The following EVC2 variants were observed in gnomAD, a reference collection of about 807,000 sequenced individuals.
EVC2 encodes EvC ciliary complex subunit 2, also known as limbin.
EVC2 carries 148 observed loss-of-function variants against 149.3 expected under a neutral mutation model. That is an observed-to-expected ratio of 0.99 (90% CI 0.87 to 1.14). The LOEUF (loss-of-function observed/expected upper bound fraction) is 1.14, where lower values mean the gene tolerates loss of function less well. Among genes scored for constraint, EVC2 ranks in the 50% most tolerant of loss-of-function variants. The probability of loss-of-function intolerance (pLI) is 0.00; values close to 1 mark genes in which losing one functional copy is unlikely to be tolerated. For missense variants in EVC2, 1,854 were observed against 1,627.3 expected, an observed-to-expected ratio of 1.14 and a Z score of -2.40; for synonymous variants, 776 against 649.9, an observed-to-expected ratio of 1.19 and a Z score of -2.95.
chr4:5,608,791 C>T (rs1286943721), intron 16 of EVC2, among the ~76,000 whole-genome samples: 1 of 152,030 alleles, frequency 6.6e-6, no homozygotes, highest in Non-Finnish European at 1.5e-5. Context: ...CCTCGGCATC[C>T]CAAAGTGCTG....
At chr4:5,607,698 C>T (rs376562383) in intron 16 of EVC2, among the ~76,000 whole-genome samples, 12 of 152,070 alleles carry the variant, frequency 7.9e-5, no homozygotes, top group Non-Finnish European at 1.8e-4. Context: ...GCCACTCATT[C>T]GAGGTAGAGT....
intron 21 of EVC2, among the ~76,000 whole-genome samples, chr4:5,564,575 A>G (rs1722148309): frequency 6.6e-6 from 1 of 152,218 alleles, no homozygotes; most frequent in African/African-American, 2.4e-5. Context: ...TTGAACAGCC[A>G]CTGTTTCTGG....
At position 5,563,056 on chromosome 4, in the gene EVC2, C is replaced by A. The variant is rs773522883; in HGVS notation, c.3719G>T (p.Ser1240Ile). 1.2e-6 allele frequency: 2 copies of A among 1,614,160 alleles called. No homozygotes were observed. The highest frequency in any genetic ancestry group is 2.7e-5 in the African/African-American group (2 of 75,050). The change falls in exon 22 of 22, where the codon AGT becomes ATT. Residue 1240 changes from serine to isoleucine, a missense_variant. By Grantham distance (142) the Ser-to-Ile change is moderately radical. Coordinates refer to ENST00000344408, the MANE Select transcript of EVC2 (RefSeq NM_147127.5). Reference sequence around the variant, plus strand: ...GGGCTCCAGTGACAGGTGTGGCCAACTTCCTTTTCCAGAGAATATCATCCT... The same window carrying A: ...GGGCTCCAGTGACAGGTGTGGCCAAATTCCTTTTCCAGAGAATATCATCCT... The part of the protein sequence containing the change: ...RERMIFSGKG[S>I]WPHLSLEPIG...
At chr4:5,655,186 C>T (rs181677340) in intron 9 of EVC2, among the ~76,000 whole-genome samples, 1 of 152,178 alleles carries the variant, frequency 6.6e-6, no homozygotes, top group African/African-American at 2.4e-5. Flanking sequence ...CCATAAGAAC[C>T]CCGTCATGTC....
At chr4:5,603,526 T>C (rs1253422600) in intron 16 of EVC2, among the ~76,000 whole-genome samples, 3 of 152,196 alleles carry the variant, frequency 2.0e-5, no homozygotes, top group Non-Finnish European at 2.9e-5. Context: ...TCTAGTCCCT[T>C]CTGAAGTCAG....
chr4:5,554,769 C>T (rs1471113988), intron 21 of EVC2, among the ~76,000 whole-genome samples: 3 of 152,144 alleles, frequency 2.0e-5, no homozygotes, highest in African/African-American at 7.2e-5. Context: ...ATTTTGAAGC[C>T]AATCCCAGAT....
chr4:5,560,062 A>C (rs1284751009), downstream of EVC2, among the ~76,000 whole-genome samples: 1 of 151,626 alleles, frequency 6.6e-6, no homozygotes, highest in Non-Finnish European at 1.5e-5. This position sits in a 1 kb window ranked among gnomAD's most constrained non-coding sequence, Gnocchi z 4.1. Flanking sequence ...GCATTTACCA[A>C]TTATTTATTT....
intron 16 of EVC2, among the ~76,000 whole-genome samples, chr4:5,604,679 A>G (rs906465356): frequency 6.6e-6 from 1 of 152,170 alleles, no homozygotes; most frequent in Non-Finnish European, 1.5e-5. Context: ...CTATTTCAAA[A>G]TAACAAGAAG....
chr4:5,539,593 G>A (rs1721476006), downstream of EVC2, among the ~76,000 whole-genome samples: 1 of 152,096 alleles, frequency 6.6e-6, no homozygotes, highest in Non-Finnish European at 1.5e-5. Context: ...TAAACAAATA[G>A]ATCAATTAAA....
intron 16 of EVC2, among the ~76,000 whole-genome samples, chr4:5,595,564 G>C (rs1342908959): frequency 2.0e-5 from 3 of 152,142 alleles, no homozygotes; most frequent in Non-Finnish European, 4.4e-5. Flanking sequence ...AGCTCCTGAA[G>C]GAAGCGCTAA....
At chr4:5,542,238 G>C (rs2108755309), downstream of EVC2, among the ~76,000 whole-genome samples, 2 of 152,272 alleles carry the variant, frequency 1.3e-5, no homozygotes, top group South Asian at 4.1e-4. Flanking sequence ...GATCACTTGA[G>C]CCCAAGAGTT....
At chr4:5,691,498 A>G (rs979603518) in intron 3 of EVC2, among the ~76,000 whole-genome samples, 165 bp from the exon 4 acceptor site, 18 of 152,352 alleles carry the variant, frequency 1.2e-4, no homozygotes, top group African/African-American at 3.6e-4. Flanking sequence ...TTAAAGGATT[A>G]GAAATTAAAA....
At chr4:5,591,090 T>G (rs529422171) in intron 16 of EVC2, among the ~76,000 whole-genome samples, 1 of 152,174 alleles carries the variant, frequency 6.6e-6, no homozygotes, top group African/African-American at 2.4e-5. Flanking sequence ...CAAGATGAGA[T>G]TGGGTGGAGA....
chr4:5,650,628 TATATATATATAGAGAGAGAGAGAG>T (rs1387347438), intron 9 of EVC2, among the ~76,000 whole-genome samples: 2 of 77,362 alleles, frequency 2.6e-5, no homozygotes, highest in Non-Finnish European at 5.3e-5. Context: ...TATATATATA[TATATATATATAGAGAGAGAGAGAG>T]AGAGAGAGAG....
chr4:5,646,221 G>A (rs529855876), intron 9 of EVC2, among the ~76,000 whole-genome samples: 9 of 151,708 alleles, frequency 5.9e-5, no homozygotes, highest in African/African-American at 1.4e-4. Context: ...ATAAGCCACC[G>A]TGCCAGGTCT....
the EVC2 span, among the ~76,000 whole-genome samples, chr4:5,530,104 T>C: frequency 3.3e-5 from 5 of 152,244 alleles, no homozygotes; most frequent in Non-Finnish European, 7.3e-5. Context: ...TGAGTCACCA[T>C]GTCCAGCCAG....
intron 6 of EVC2, among the ~76,000 whole-genome samples, chr4:5,681,932 G>T (rs552319052): frequency 6.6e-6 from 1 of 152,130 alleles, no homozygotes; most frequent in African/African-American, 2.4e-5. Context: ...TCTATAGGGT[G>T]GTGGTTAGGG....
At chr4:5,623,190 C>T (rs889317442) in intron 13 of EVC2, among the ~76,000 whole-genome samples, 199 bp from the exon 14 acceptor site, 1 of 152,174 alleles carries the variant, frequency 6.6e-6, no homozygotes, top group Non-Finnish European at 1.5e-5. Flanking sequence ...GGCTGGAGTG[C>T]AATGGTGCGA....
At chr4:5,533,968 G>C in the EVC2 span, among the ~76,000 whole-genome samples, 1 of 152,216 alleles carries the variant, frequency 6.6e-6, no homozygotes, top group African/African-American at 2.4e-5. Flanking sequence ...ATGAGCAAGG[G>C]GGAGATGAGG....
Sources: allele counts gnomAD v4.1 joint callset (sites outside exome capture counted in the v4.1 genomes callset), GRCh38; gene constraint gnomAD v4.1.1; non-coding constraint Gnocchi (gnomAD v3.1); transcripts MANE v1.5; gene names NCBI Gene and HGNC (gene_info 2026-07-23, HGNC 2026-07-21).